ROBO2: variants seen among roughly 807,000 people sequenced by gnomAD.
ROBO2 encodes the protein roundabout homolog 2.
ROBO2 carries 53 observed loss-of-function variants against 160.8 expected under a neutral mutation model. That is an observed-to-expected ratio of 0.33 (90% CI 0.26 to 0.41). The LOEUF is 0.41. Ranked by LOEUF, ROBO2 falls within the 10% of genes least tolerant of loss-of-function variation. ROBO2 has a pLI of 1.00. For synonymous variants in ROBO2, 664 were observed against 611.7 expected, an observed-to-expected ratio of 1.09 and a Z score of -1.26; for missense variants, 1,577 against 1,722.4, an observed-to-expected ratio of 0.92 and a Z score of 1.49.
At chr3:77,417,430 C>A (rs928481521) in intron 2 of ROBO2, among the ~76,000 whole-genome samples, 1 of 151,268 alleles carries the variant, frequency 6.6e-6, no homozygotes, top group African/African-American at 2.4e-5. Context: ...TTGAAGATAC[C>A]CTTTTCTTTC....
At chr3:77,386,338 T>A (rs1440957344) in intron 2 of ROBO2, among the ~76,000 whole-genome samples, 5 of 152,140 alleles carry the variant, frequency 3.3e-5, no homozygotes, top group African/African-American at 4.8e-5. Context: ...TGTTAATGTT[T>A]AACACTTTAA....
At chr3:77,003,397 T>C (rs986139635) in intron 2 of ROBO2, among the ~76,000 whole-genome samples, 12 of 152,194 alleles carry the variant, frequency 7.9e-5, no homozygotes, top group Admixed American at 5.9e-4. Context: ...ATAGTACATA[T>C]AAACTGGTTT....
At chr3:77,327,997 A>T (rs2065595798) in intron 2 of ROBO2, among the ~76,000 whole-genome samples, 1 of 143,966 alleles carries the variant, frequency 6.9e-6, no homozygotes. Context: ...ACAGAGGCAG[A>T]GGTTGCAGTG....
intron 1 of ROBO2, among the ~76,000 whole-genome samples, chr3:77,088,320 G>C (rs957843098): frequency 1.3e-5 from 2 of 152,182 alleles, no homozygotes; most frequent in South Asian, 2.1e-4. Context: ...ATTAAGGAAG[G>C]AAATTTTAAA....
At chr3:76,430,265 A>G (rs1452118385) in intron 2 of ROBO2, among the ~76,000 whole-genome samples, 1 of 152,180 alleles carries the variant, frequency 6.6e-6, no homozygotes, top group African/African-American at 2.4e-5. Flanking sequence ...CTGAAACTAT[A>G]ATAGTCTCTT....
At chr3:77,379,027 A>G (rs2073084101) in intron 2 of ROBO2, among the ~76,000 whole-genome samples, 1 of 151,192 alleles carries the variant, frequency 6.6e-6, no homozygotes, top group Non-Finnish European at 1.5e-5. Flanking sequence ...GGCTCGCTGC[A>G]ACCTCTGCCT....
intron 2 of ROBO2, among the ~76,000 whole-genome samples, chr3:76,168,098 T>C (rs1376273341): frequency 6.6e-6 from 1 of 152,186 alleles, no homozygotes; most frequent in Non-Finnish European, 1.5e-5. Context: ...AACTACTCAT[T>C]AACTGCTGAA....
At chr3:77,141,669 C>A (rs1232280556) in intron 2 of ROBO2, among the ~76,000 whole-genome samples, 1 of 152,106 alleles carries the variant, frequency 6.6e-6, no homozygotes, top group African/African-American at 2.4e-5. Flanking sequence ...TAGCAGTGAC[C>A]TTTCTGGATG....
chr3:77,487,838 G>A (rs746382109), intron 4 of ROBO2, among the ~76,000 whole-genome samples: 11 of 152,090 alleles, frequency 7.2e-5, no homozygotes, highest in African/African-American at 9.7e-5. Flanking sequence ...AATGTTAAGC[G>A]AAGTTTATTT....
chr3:76,915,000 T>A (rs1473346369), intron 2 of ROBO2, among the ~76,000 whole-genome samples: 3 of 152,178 alleles, frequency 2.0e-5, no homozygotes, highest in African/African-American at 4.8e-5. Flanking sequence ...TCAATATAAG[T>A]TTTTCAGAGA....
chr3:76,510,861 A>G (rs2081051544), intron 2 of ROBO2, among the ~76,000 whole-genome samples: 1 of 152,244 alleles, frequency 6.6e-6, no homozygotes, highest in South Asian at 2.1e-4. Context: ...AACACATGCC[A>G]CCTAATGATA....
intron 2 of ROBO2, among the ~76,000 whole-genome samples, chr3:76,557,622 T>A (rs908941037): frequency 7.4e-6 from 1 of 136,038 alleles, no homozygotes; most frequent in African/African-American, 2.7e-5. Context: ...TTTTTTTTTT[T>A]ACTTTAAGAA....
chr3:77,518,564 GTGTGTT>G (rs2090266597), intron 5 of ROBO2, among the ~76,000 whole-genome samples: 1 of 151,394 alleles, frequency 6.6e-6, no homozygotes, highest in Non-Finnish European at 1.5e-5. Context: ...CCTGGGAAAT[GTGTGTT>G]AGCTGGAGAG....
chr3:76,525,317 T>C (rs1280667187), intron 2 of ROBO2, among the ~76,000 whole-genome samples: 3 of 151,926 alleles, frequency 2.0e-5, no homozygotes, highest in Non-Finnish European at 4.4e-5. Context: ...AGGATGATCT[T>C]CTTGGTTTTA....
chr3:76,507,298 A>G (rs542566523), intron 2 of ROBO2, among the ~76,000 whole-genome samples: 85 of 152,080 alleles, frequency 5.6e-4, no homozygotes, highest in Non-Finnish European at 9.4e-4. Flanking sequence ...AATGAATATG[A>G]GTTTATTTAT....
At chr3:77,341,714 A>T (rs1030180808) in intron 2 of ROBO2, among the ~76,000 whole-genome samples, 1 of 152,126 alleles carries the variant, frequency 6.6e-6, no homozygotes, top group Non-Finnish European at 1.5e-5. Context: ...AATACTCATC[A>T]CTGTAATCCA....
chr3:77,367,690 A>G (rs1350724372), intron 2 of ROBO2, among the ~76,000 whole-genome samples: 2 of 152,188 alleles, frequency 1.3e-5, no homozygotes, highest in Non-Finnish European at 2.9e-5. Context: ...CTTAGCAATG[A>G]AAGTGTGTAA....
intron 2 of ROBO2, among the ~76,000 whole-genome samples, chr3:76,871,960 T>A (rs931519127): frequency 1.3e-4 from 20 of 152,344 alleles, no homozygotes; most frequent in African/African-American, 4.6e-4. Flanking sequence ...TCACATTTTT[T>A]AAAATTTTCT....
chr3:77,167,614 T>A (rs1478079599), intron 2 of ROBO2, among the ~76,000 whole-genome samples: 1 of 152,236 alleles, frequency 6.6e-6, no homozygotes, highest in African/African-American at 2.4e-5. Flanking sequence ...TTTTCTGTAT[T>A]CTTCAAGACA....
Sources: allele counts gnomAD v4.1 joint callset (sites outside exome capture counted in the v4.1 genomes callset), GRCh38; gene constraint gnomAD v4.1.1; transcripts MANE v1.5; gene names NCBI Gene and HGNC (gene_info 2026-07-23, HGNC 2026-07-21).